ARHGAP12: variants seen among roughly 807,000 people sequenced by gnomAD.
The protein encoded by ARHGAP12 is rho GTPase-activating protein 12.
Under a neutral mutation model 108.6 loss-of-function variants are expected in ARHGAP12, and 64 were observed. That is an observed-to-expected ratio of 0.59 (90% CI 0.48 to 0.73). ARHGAP12 has a LOEUF of 0.73. Ranked by LOEUF, ARHGAP12 falls within the 30% of genes least tolerant of loss-of-function variation. The pLI is 0.00. For synonymous variants in ARHGAP12, 312 were observed against 337.2 expected, an observed-to-expected ratio of 0.93 and a Z score of 0.82; for missense variants, 940 against 1,005.9, an observed-to-expected ratio of 0.93 and a Z score of 0.89.
chr10:31,818,809 C>A (rs1407517564), intron 12 of ARHGAP12, among the ~76,000 whole-genome samples: 1 of 152,124 alleles, frequency 6.6e-6, no homozygotes, highest in Non-Finnish European at 1.5e-5. Context: ...CTAGGGTGCA[C>A]TGTGATTTTC....
In ARHGAP12 at chr10:31,922,727, C is replaced by G. The variant is rs1043277402; in HGVS notation, c.-111+5956G>C. Among the ~76,000 whole-genome samples the G allele has an allele frequency of 2.6e-5, 4 of 151,832 alleles. No homozygotes were observed. In the East Asian group the frequency reaches 5.8e-4, roughly 22 times the overall value. ...CTTCACTGGTGAATTTTACCAAAAA[C>G]GTAAAGAAGTTACTACCAATTCTAC... On this transcript the variant is annotated intron_variant, in intron 1 of 19. Transcript: ENST00000344936.
At chr10:31,874,661 G>A (rs1837657780) in intron 3 of ARHGAP12, among the ~76,000 whole-genome samples, 1 of 151,256 alleles carries the variant, frequency 6.6e-6, no homozygotes, top group African/African-American at 2.5e-5. Flanking sequence ...CACACATAAT[G>A]GACTCTATAA....
intron 7 of ARHGAP12, 122 bp from the exon 8 acceptor site, chr10:31,839,833 T>C (rs947332902): frequency 1.1e-5 from 7 of 622,262 alleles, no homozygotes; most frequent in Admixed American, 3.2e-5. Context: ...ATTTTCGTTC[T>C]ATATTCAGCT....
At position 31,809,214 on chromosome 10, in the gene ARHGAP12, G is replaced by GTA. The variant is rs772120424; in HGVS notation, c.2128+14_2128+15dup. On this transcript the variant is annotated intron_variant, in intron 17 of 19. Transcript: ENST00000344936. The stretch of plus-strand genomic sequence containing the variant: ...TGAGTGATGCATCTGAATAACAACA[G>GTA]TAAATATAATCTTACCATGATTGAC... 1 of 1,613,638 alleles carries GTA rather than the reference G, an allele frequency of 6.2e-7. No homozygotes were observed. Among genetic ancestry groups the GTA allele is most frequent in the Non-Finnish European group, 8.5e-7 (1 of 1,179,694 alleles).
chr10:31,812,764 T>C lies in ARHGAP12; in HGVS notation c.1894A>G (p.Lys632Glu). The C allele has an allele frequency of 6.2e-7, 1 of 1,609,358 alleles. No homozygotes were observed. The highest frequency in any genetic ancestry group is 8.5e-7 in the Non-Finnish European group (1 of 1,178,774). Residue 632 changes from lysine (K) to glutamate (E), a missense_variant, in exon 15 of 20, where the codon AAG (lysine) becomes GAG (glutamate). Physicochemically the swap from Lys to Glu is moderately conservative, Grantham distance 56 (BLOSUM62 1). Transcript: ENST00000344936. ...AAAGTGGGGCGTCGTGTAAGAAACT[T>C]CTTTAAGTTTTTCTTGGTTTTTTTC... The part of the protein sequence containing the change: ...EQKKTKKNLK[K>E]FLTRRPTLQA...
At chr10:31,834,248 T>C (rs1232707836) in intron 9 of ARHGAP12, among the ~76,000 whole-genome samples, 1 of 152,214 alleles carries the variant, frequency 6.6e-6, no homozygotes, top group Non-Finnish European at 1.5e-5. Flanking sequence ...AGACTAAATG[T>C]TTGTGTCCCT....
intron 4 of ARHGAP12, 45 bp from the exon 5 acceptor site, chr10:31,854,251 A>T: frequency 6.6e-7 from 1 of 1,510,478 alleles, no homozygotes; most frequent in Non-Finnish European, 8.9e-7. Flanking sequence ...TTTGAATATA[A>T]ATATGAATTG....
chr10:31,820,930 T>C, intron 11 of ARHGAP12, among the ~76,000 whole-genome samples: 1 of 152,090 alleles, frequency 6.6e-6, no homozygotes. Flanking sequence ...TTGGCAGTTC[T>C]GTATCTTGGA....
intron 14 of ARHGAP12, among the ~76,000 whole-genome samples, 153 bp downstream of exon 14, chr10:31,814,104 AAG>A (rs1835114106): frequency 6.6e-6 from 1 of 152,178 alleles, no homozygotes; most frequent in Non-Finnish European, 1.5e-5. Flanking sequence ...AACAAGAAGA[AAG>A]AGCGCTGACA....
intron 3 of ARHGAP12, among the ~76,000 whole-genome samples, chr10:31,900,589 C>G (rs1353029600): frequency 2.0e-5 from 3 of 152,086 alleles, no homozygotes; most frequent in African/African-American, 7.2e-5. Flanking sequence ...GTGAAAGAAG[C>G]CAATCTGAAA....
chr10:31,880,897 C>CAAAAAAAAA (rs139344366), intron 3 of ARHGAP12, among the ~76,000 whole-genome samples: 1 of 133,940 alleles, frequency 7.5e-6, no homozygotes. Flanking sequence ...TTGACTCTAC[C>CAAAAAAAAA]AAAAAAAAAA....
chr10:31,901,564 A>T (rs532728089), intron 3 of ARHGAP12, among the ~76,000 whole-genome samples: 53 of 151,218 alleles, frequency 3.5e-4, no homozygotes, highest in African/African-American at 1.3e-3. Context: ...AAAAAGTTTG[A>T]AACTACCTTC....
Position 31,902,307 on chromosome 10 carries a change from A to G in ARHGAP12, c.684+5865T>C, listed in dbSNP as rs1336957799. On this transcript the variant is annotated intron_variant, in intron 3 of 19. Transcript: ENST00000344936. ...GACAGCCTTTTCAACAAATGGTACT[A>G]TAACAATTAGATATCCATAGGCAAA... 7.3e-5 allele frequency among the ~76,000 whole-genome samples: 11 copies of G among 151,638 alleles called. No homozygotes were observed. In the East Asian group the frequency reaches 2.1e-3, roughly 29 times the overall value.
intron 9 of ARHGAP12, among the ~76,000 whole-genome samples, chr10:31,835,515 T>C (rs982600961): frequency 3.3e-5 from 5 of 152,168 alleles, no homozygotes; most frequent in Non-Finnish European, 7.4e-5. Context: ...AACAATAAAC[T>C]TCAAATTCTA....
intron 9 of ARHGAP12, among the ~76,000 whole-genome samples, chr10:31,834,316 T>C (rs776864450): frequency 8.5e-5 from 13 of 152,200 alleles, no homozygotes; most frequent in Admixed American, 2.0e-4. Context: ...GGTGGGGCCT[T>C]TGGGAGATGA....
In ARHGAP12 at chr10:31,808,635, G is replaced by C; in HGVS notation, c.2366+14C>G. 3 of 1,611,602 alleles carry C rather than the reference G, an allele frequency of 1.9e-6. No homozygotes were observed. Among genetic ancestry groups the C allele is most frequent in the South Asian group, 1.1e-5 (1 of 90,910 alleles). ...TGTGCTATACCACATCCCATGACTG[G>C]GCAGTCCTCCTACCTTCTGAGATGT... On this transcript the variant is annotated intron_variant, in intron 19 of 19. Coordinates refer to ENST00000344936, the MANE Select transcript of ARHGAP12 (RefSeq NM_018287.7).
At chr10:31,852,889 G>C (rs1470508214) in intron 5 of ARHGAP12, among the ~76,000 whole-genome samples, 5 of 151,974 alleles carry the variant, frequency 3.3e-5, no homozygotes, top group African/African-American at 7.2e-5. Context: ...ACCACGCCTG[G>C]CTAATTTTGT....
At chr10:31,891,092 A>G (rs1029257643) in intron 3 of ARHGAP12, among the ~76,000 whole-genome samples, 1 of 152,196 alleles carries the variant, frequency 6.6e-6, no homozygotes, top group East Asian at 1.9e-4. Flanking sequence ...GAAATCTATA[A>G]CAAATTCGGG....
At chr10:31,876,019 T>C (rs1210843277) in intron 3 of ARHGAP12, among the ~76,000 whole-genome samples, 1 of 151,968 alleles carries the variant, frequency 6.6e-6, no homozygotes, top group South Asian at 2.1e-4. Context: ...TGTGTGTCTG[T>C]GTATTTATTA....
Sources: gnomAD v4.1 joint callset for allele counts (sites outside exome capture counted in the v4.1 genomes callset) on GRCh38, gnomAD v4.1.1 for gene constraint, MANE v1.5 for transcripts, NCBI Gene and HGNC (gene_info 2026-07-23, HGNC 2026-07-21) for gene names.